Variants in SIDT1 observed in about 807,000 individuals in gnomAD.
SIDT1 encodes the protein SID1 transmembrane family member 1, also known as SID1 transmembrane family, member 1.
A neutral mutation model predicts 107.5 loss-of-function variants in SIDT1; 101 were observed. That is an observed-to-expected ratio of 0.94 (90% CI 0.80 to 1.11). SIDT1 has a LOEUF of 1.11. Among genes scored for constraint, SIDT1 ranks in the 50% least tolerant of loss-of-function variants. The pLI is 0.00. For synonymous variants in SIDT1, 395 were observed against 398.2 expected, an observed-to-expected ratio of 0.99 and a Z score of 0.10; for missense variants, 1,076 against 1,058.2, an observed-to-expected ratio of 1.02 and a Z score of -0.23.
chr3:113,581,845 C>T, intron 6 of SIDT1: 1 of 163,138 alleles, frequency 6.1e-6, no homozygotes, highest in Non-Finnish European at 1.3e-5. Flanking sequence ...TGCACTCCAG[C>T]CTGGGCGACA....
intron 4 of SIDT1, among the ~76,000 whole-genome samples, chr3:113,577,525 A>G (rs1942998711): frequency 2.0e-5 from 3 of 152,348 alleles, no homozygotes; most frequent in Admixed American, 2.0e-4. Flanking sequence ...GGAGAATTAG[A>G]TATTTGTGTT....
rs927960476 is a variant in SIDT1 at position 113,533,208 on chromosome 3, A to G, written c.187A>G (p.Ile63Val). The G allele has an allele frequency of 1.3e-6, 2 of 1,527,982 alleles. No homozygotes were observed. Among genetic ancestry groups the G allele is most frequent in the Non-Finnish European group, 1.8e-6 (2 of 1,136,584 alleles). The allele number at this position is 1,527,982 out of a possible 1,614,324, so 94.7% of individuals were successfully genotyped here. ...SGVVNLSTENIYSFNYTSQPD... is the reference protein window; with the variant it reads ...SGVVNLSTENVYSFNYTSQPD... ...GGTGGTGAACCTCAGCACCGAGAAC[A>G]TCTACTCTTTCAACTACACCAGCCA... is the stretch of plus-strand genomic sequence containing the variant. Residue 63 changes from isoleucine to valine, a missense_variant, in exon 1 of 25, where the codon ATC becomes GTC. Physicochemically the swap from Ile to Val is conservative, Grantham distance 29. Transcript: ENST00000264852.
chr3:113,607,226 C>T, intron 15 of SIDT1, 112 bp downstream of exon 15: 1 of 688,474 alleles, frequency 1.5e-6, no homozygotes, highest in Non-Finnish European at 2.6e-6. Flanking sequence ...CGACCCTATT[C>T]AAGGGTAAAA....
intron 20 of SIDT1, 63 bp from the exon 21 acceptor site, chr3:113,619,617 G>A (rs1008948212): frequency 1.4e-6 from 2 of 1,402,078 alleles, no homozygotes; most frequent in Non-Finnish European, 2.0e-6. Flanking sequence ...CTTCTACACA[G>A]TAGGTTAAAA....
chr3:113,599,918 G>A (rs1192201442), intron 10 of SIDT1, among the ~76,000 whole-genome samples: 1 of 152,180 alleles, frequency 6.6e-6, no homozygotes, highest in Non-Finnish European at 1.5e-5. Context: ...ACTATGGAAA[G>A]TGATGGATAT....
intron 1 of SIDT1, among the ~76,000 whole-genome samples, chr3:113,556,050 A>T (rs61575357): frequency 6.6e-6 from 1 of 152,124 alleles, no homozygotes; most frequent in African/African-American, 2.4e-5. Flanking sequence ...CTGCCCAGGG[A>T]GATAGGTAGT....
At chr3:113,618,621 G>C (rs950952413) in intron 20 of SIDT1, among the ~76,000 whole-genome samples, 1 of 152,136 alleles carries the variant, frequency 6.6e-6, no homozygotes. Context: ...ATTCTAATAG[G>C]TGAATTAATT....
chr3:113,612,119 ATCT>A lies in SIDT1; in HGVS notation c.1895_1897del (p.Phe632del). ...AAAAAATGACGTATGGTTCTGGGTC[ATCT>A]TCTCTGCAATCCACGTTCTGGCCTC... On this transcript the variant is annotated inframe_deletion, in exon 19 of 25. Transcript: ENST00000264852. 1.2e-6 allele frequency: 2 copies of A among 1,614,152 alleles called. No individual in the cohort carries two copies. Among genetic ancestry groups the A allele is most frequent in the South Asian group, 1.1e-5 (1 of 91,074 alleles).
At chr3:113,600,498 C>T (rs74419243) in intron 10 of SIDT1, among the ~76,000 whole-genome samples, 1 of 152,018 alleles carries the variant, frequency 6.6e-6, no homozygotes, top group Non-Finnish European at 1.5e-5. Flanking sequence ...ATTTAAAAGA[C>T]TAAATTCCTG....
intron 19 of SIDT1, chr3:113,615,111 T>C (rs1291764692): frequency 2.6e-6 from 4 of 1,535,202 alleles, no homozygotes; most frequent in East Asian, 2.4e-5. Context: ...GGGGTCTAGA[T>C]TGTTTTTGTA....
At chr3:113,616,269 AAATC>A (rs754001755) in intron 20 of SIDT1, 93 bp downstream of exon 20, 1 of 987,596 alleles carries the variant, frequency 1.0e-6, no homozygotes, top group Non-Finnish European at 1.6e-6. Context: ...ACGGCTCCTA[AAATC>A]AAGAAGGCCA....
chr3:113,550,960 T>C (rs1241660272), intron 1 of SIDT1, among the ~76,000 whole-genome samples: 1 of 152,158 alleles, frequency 6.6e-6, no homozygotes, highest in Non-Finnish European at 1.5e-5. Flanking sequence ...CTCCCCTCTA[T>C]GTGTCCATGT....
rs143132400 is a variant in SIDT1, at chr3:113,603,530, C to G, written c.1263+380C>G. Among the ~76,000 whole-genome samples the G allele has an allele frequency of 7.9e-5, 12 of 152,238 alleles. No homozygotes were observed. In the East Asian group the frequency reaches 2.3e-3, roughly 29 times the overall value. On this transcript the variant is annotated intron_variant, in intron 12 of 24. Coordinates refer to ENST00000264852, the MANE Select transcript of SIDT1 (RefSeq NM_017699.3). ...AAAAGGAAAGCTAATTTGTTTCTGG[C>G]TTGTGATTATTATTTTCTGTCATAT...
At chr3:113,537,916 G>T (rs1346459735) in intron 1 of SIDT1, among the ~76,000 whole-genome samples, 1 of 152,124 alleles carries the variant, frequency 6.6e-6, no homozygotes, top group Non-Finnish European at 1.5e-5. Flanking sequence ...GCTAGTAGCT[G>T]GGATTACAGG....
chr3:113,552,965 G>A (rs1048602900), intron 1 of SIDT1, among the ~76,000 whole-genome samples: 1 of 152,204 alleles, frequency 6.6e-6, no homozygotes. Context: ...CATGGAGGGA[G>A]CTGAAGCTGG....
At chr3:113,599,300 C>T (rs1944791349) in intron 10 of SIDT1, among the ~76,000 whole-genome samples, 1 of 152,196 alleles carries the variant, frequency 6.6e-6, no homozygotes, top group African/African-American at 2.4e-5. Context: ...TGACCCACGC[C>T]AGTGGGTAAT....
At chr3:113,557,112 A>G (rs1202284633) in intron 1 of SIDT1, among the ~76,000 whole-genome samples, 1 of 152,120 alleles carries the variant, frequency 6.6e-6, no homozygotes, top group African/African-American at 2.4e-5. Flanking sequence ...CCGTAATCCC[A>G]GCTTATGTTT....
At chr3:113,595,539 A>ACTGCACT (rs1314796034) in intron 10 of SIDT1, among the ~76,000 whole-genome samples, 2 of 151,904 alleles carry the variant, frequency 1.3e-5, no homozygotes, top group East Asian at 3.9e-4. Context: ...AGATCGCACC[A>ACTGCACT]CTGCACTCCA....
intron 1 of SIDT1, among the ~76,000 whole-genome samples, chr3:113,561,612 T>C (rs907343369): frequency 5.9e-5 from 9 of 152,140 alleles, no homozygotes; most frequent in Admixed American, 5.9e-4. Context: ...ACAAATGGAG[T>C]TATCCATTAG....
Sources: allele counts gnomAD v4.1 joint callset (sites outside exome capture counted in the v4.1 genomes callset), GRCh38; gene constraint gnomAD v4.1.1; transcripts MANE v1.5; gene names NCBI Gene and HGNC (gene_info 2026-07-23, HGNC 2026-07-21).